Variants in MCM4 observed in about 807,000 individuals in gnomAD.
The protein encoded by MCM4 is DNA replication licensing factor MCM4.
In MCM4, 60 loss-of-function variants were observed where a neutral mutation model predicts 88.7. The observed-to-expected ratio is 0.68, with a 90% CI of 0.55 to 0.84. MCM4 has a LOEUF of 0.84. Among genes scored for constraint, MCM4 ranks in the 40% least tolerant of loss-of-function variants. The pLI is 0.00. For synonymous variants in MCM4, 465 were observed against 410.5 expected (o/e 1.13, Z -1.61); for missense variants, 1,149 against 1,105.5 (o/e 1.04, Z -0.56).
At chr8:47,973,494 CT>C (rs1241184472) in intron 14 of MCM4, among the ~76,000 whole-genome samples, 435 of 141,644 alleles carry the variant, frequency 3.1e-3, no homozygotes, top group Middle Eastern at 8.2e-3. Context: ...ATAAACTTTT[CT>C]TTTTTTTTTT....
rs752922408 is a variant in MCM4, at chr8:47,961,672, A to G, written c.227A>G (p.His76Arg). ...DVLFSSPPQM[H>R]SSAIPLDFDV... ...CTGTTTTCCAGCCCTCCCCAAATGC[A>G]TTCTTCAGGTGCGTGTCTGAAGATC... Residue 76 changes from histidine (H) to arginine (R), a missense_variant, in exon 3 of 17, where the codon CAT becomes CGT. Transcript: ENST00000649973. The G allele has an allele frequency of 4.4e-6, 7 of 1,609,100 alleles. No homozygotes were observed. Among genetic ancestry groups the G allele is most frequent in the Non-Finnish European group, 5.9e-6 (7 of 1,176,828 alleles).
intron 10 of MCM4, among the ~76,000 whole-genome samples, chr8:47,968,495 G>A (rs2090921426): frequency 6.6e-6 from 1 of 152,178 alleles, no homozygotes; most frequent in African/African-American, 2.4e-5. Context: ...TGGAGTTAAT[G>A]TGATGATACA....
In MCM4 at chr8:47,970,531, T is replaced by C; in HGVS notation, c.1455T>C (p.Phe485=). The part of the protein sequence containing the change: ...DIKKGILLQL[F]GGTRKDFSHT... Reference sequence around the variant, plus strand: ...TTTAGGGAATTTTGCTTCAGCTCTTTGGCGGGACAAGGAAGGATTTTAGTC... The same window carrying C: ...TTTAGGGAATTTTGCTTCAGCTCTTCGGCGGGACAAGGAAGGATTTTAGTC... The change falls in exon 12 of 17, where the codon TTT becomes TTC. Residue 485 remains phenylalanine (F), a synonymous_variant. Coordinates refer to ENST00000649973, the MANE Select transcript of MCM4 (RefSeq NM_182746.3). The C allele has an allele frequency of 6.2e-7, 1 of 1,601,276 alleles. No individual in the cohort carries two copies. Among genetic ancestry groups the C allele is most frequent in the Non-Finnish European group, 8.5e-7 (1 of 1,169,948 alleles).
rs137947787 is a variant in MCM4, at chr8:47,963,005, A to G, written c.658A>G (p.Lys220Glu). Residue 220 changes from lysine (K) to glutamate (E), a missense_variant, in exon 7 of 17, where the codon AAA (lysine) becomes GAA (glutamate). Transcript: ENST00000649973. ...VNCEHIKSFD[K>E]NLYRQLISYP... ...CTGTGAACACATCAAATCATTTGAC[A>G]AAAATTTGTACAGACAACTCATCTC... 90 of 1,606,858 alleles carry G rather than the reference A, an allele frequency of 5.6e-5. No homozygotes were observed. The highest frequency in any genetic ancestry group is 7.4e-5 in the Non-Finnish European group (87 of 1,177,276).
intron 3 of MCM4, 84 bp from the exon 4 acceptor site, chr8:47,961,969 G>C (rs1477915913): frequency 3.9e-6 from 5 of 1,277,194 alleles, no homozygotes; most frequent in Non-Finnish European, 5.6e-6. Context: ...TTGCTGTTGC[G>C]ATTAGATGGT....
intron 14 of MCM4, chr8:47,974,364 A>G (rs2090982266): frequency 5.0e-6 from 1 of 198,840 alleles, no homozygotes; most frequent in Non-Finnish European, 1.1e-5. Flanking sequence ...TTTCCCAGAC[A>G]GGCCTGATTC....
chr8:47,961,168 G>C lies in MCM4; in HGVS notation c.24G>C (p.Pro8=). 4 of 1,551,480 alleles carry C rather than the reference G, an allele frequency of 2.6e-6. No individual in the cohort carries two copies. Among genetic ancestry groups the C allele is most frequent in the Non-Finnish European group, 3.5e-6 (4 of 1,159,094 alleles). MSSPAST[P]SRRGSRRGRA... is the part of the protein sequence containing the mutation. Reference sequence around the variant, plus strand: ...CTATGTCGTCCCCGGCGTCGACCCCGAGCCGCCGCGGCAGCCGGCGTGGAA... The same window carrying C: ...CTATGTCGTCCCCGGCGTCGACCCCCAGCCGCCGCGGCAGCCGGCGTGGAA... The change falls in exon 2 of 17, where the codon CCG becomes CCC. Residue 8 remains proline (P), a synonymous_variant. Transcript: ENST00000649973.
chr8:47,972,130 G>A (rs2090958176), intron 13 of MCM4, among the ~76,000 whole-genome samples: 1 of 151,660 alleles, frequency 6.6e-6, no homozygotes, highest in Non-Finnish European at 1.5e-5. Context: ...TACTCGGGAG[G>A]CTGAGGAGGC....
At chr8:47,971,672 G>A (rs1045882508) in intron 13 of MCM4, among the ~76,000 whole-genome samples, 3 of 152,016 alleles carry the variant, frequency 2.0e-5, no homozygotes, top group East Asian at 3.9e-4. Flanking sequence ...TACCTCCCAC[G>A]CCGTTTACAC....
intron 8 of MCM4, among the ~76,000 whole-genome samples, 167 bp downstream of exon 8, chr8:47,964,879 C>T (rs772758678): frequency 1.3e-5 from 2 of 152,130 alleles, no homozygotes; most frequent in Non-Finnish European, 2.9e-5. Flanking sequence ...TACTTATGAA[C>T]CCCCTATACT....
At chr8:47,966,139 C>A in intron 8 of MCM4, 48 bp from the exon 9 acceptor site, 1 of 1,484,172 alleles carries the variant, frequency 6.7e-7, no homozygotes, top group Non-Finnish European at 9.4e-7. Flanking sequence ...TATTCCTGGA[C>A]CTCCACACCT....
chr8:47,964,516 T>C (rs2090879762), intron 7 of MCM4, 58 bp from the exon 8 acceptor site: 18 of 1,370,196 alleles, frequency 1.3e-5, no homozygotes, highest in Non-Finnish European at 1.8e-5. Flanking sequence ...TGACATGCCT[T>C]TATTATATTT....
intron 10 of MCM4, chr8:47,969,245 G>A (rs1259752829): frequency 1.3e-5 from 2 of 154,960 alleles, no homozygotes; most frequent in Non-Finnish European, 2.9e-5. Flanking sequence ...GTTTTGTTTT[G>A]TTTTGTTTCA....
intron 10 of MCM4, among the ~76,000 whole-genome samples, chr8:47,968,127 G>A (rs1181580484): frequency 6.6e-6 from 1 of 152,200 alleles, no homozygotes; most frequent in African/African-American, 2.4e-5. Flanking sequence ...TTTTGATGCT[G>A]TAGAGTCACA....
At chr8:47,968,100 G>A (rs2090916255) in intron 10 of MCM4, among the ~76,000 whole-genome samples, 1 of 152,198 alleles carries the variant, frequency 6.6e-6, no homozygotes, top group African/African-American at 2.4e-5. Context: ...AGCACCATAT[G>A]AGTGTGGCAG....
chr8:47,973,341 A>T (rs2090972911), intron 14 of MCM4, among the ~76,000 whole-genome samples: 1 of 151,516 alleles, frequency 6.6e-6, no homozygotes, highest in African/African-American at 2.4e-5. Flanking sequence ...CACTCCGGCT[A>T]ATTTTTGTAT....
At position 47,962,830 on chromosome 8, in the gene MCM4, G is replaced by T; in HGVS notation, c.568G>T (p.Glu190Ter). 6.2e-7 allele frequency: 1 copy of T among 1,608,874 alleles called. No homozygotes were observed. Among genetic ancestry groups the T allele is most frequent in the South Asian group, 1.1e-5 (1 of 89,262 alleles). ...EEENVGIDIT[E>*]PLYMQRLGEI... is the part of the protein sequence containing the mutation. The stretch of plus-strand genomic sequence containing the variant: ...AGAAAATGTTGGCATAGATATTACT[G>T]AACCTCTATACATGCAACGACTTGG... Residue 190 changes from glutamate to a stop codon, truncating the protein, a stop_gained, in exon 6 of 17, where the codon GAA becomes TAA. Coordinates refer to ENST00000649973, the MANE Select transcript of MCM4 (RefSeq NM_182746.3). LOFTEE classifies it high-confidence loss of function.
rs372261482 is a variant in MCM4 at position 47,969,791 on chromosome 8, C to T, written c.1175-7C>T. ...GGTAAAAGTGCATCTCCTGGTTGTG[C>T]CCTCAGGCATCTATCGAGCTGTGCC... On this transcript the variant is annotated splice_polypyrimidine_tract_variant and splice_region_variant and intron_variant, in intron 10 of 16. Coordinates refer to ENST00000649973, the MANE Select transcript of MCM4 (RefSeq NM_182746.3). The T allele has an allele frequency of 4.5e-4, 721 of 1,613,184 alleles. 1 individual carries two copies. The highest frequency in any genetic ancestry group is 5.9e-4 in the Non-Finnish European group (693 of 1,179,228).
At position 47,976,870 on chromosome 8, in the gene MCM4, A is replaced by C; in HGVS notation, c.*92A>C. On this transcript the variant is annotated 3_prime_UTR_variant, in exon 17 of 17. Transcript: ENST00000649973. ...ATCTCAGTTGGCCGCCATCAGTGTA[A>C]ATAGAGCTTAAAGTCATGGTTTGGC... 1 of 784,802 alleles carries C rather than the reference A, an allele frequency of 1.3e-6. No individual in the cohort carries two copies. The allele number at this position is 784,802 out of a possible 1,614,324, so 48.6% of individuals were successfully genotyped here.
Sources: gnomAD v4.1 joint callset for allele counts (sites outside exome capture counted in the v4.1 genomes callset) on GRCh38, gnomAD v4.1.1 for gene constraint, MANE v1.5 for transcripts, NCBI Gene and HGNC (gene_info 2026-07-23, HGNC 2026-07-21) for gene names.